RAPGEF4: variants seen among roughly 807,000 people sequenced by gnomAD.
RAPGEF4 encodes the protein Rap guanine nucleotide exchange factor 4.
A neutral mutation model predicts 147.9 loss-of-function variants in RAPGEF4; 66 were observed. That is an observed-to-expected ratio of 0.45 (90% CI 0.37 to 0.55). The LOEUF is 0.55. RAPGEF4 is among the 20% of genes least tolerant of loss of function. RAPGEF4 has a pLI of 0.00. For synonymous variants in RAPGEF4, 419 were observed against 442.7 expected, an observed-to-expected ratio of 0.95 and a Z score of 0.67; for missense variants, 1,071 against 1,257.3, an observed-to-expected ratio of 0.85 and a Z score of 2.24.
At chr2:173,000,351 G>T (rs377623019) in intron 16 of RAPGEF4, among the ~76,000 whole-genome samples, 73 of 152,272 alleles carry the variant, frequency 4.8e-4, no homozygotes, top group African/African-American at 1.8e-3. Context: ...TAAAATGTAC[G>T]TATTTCTCAC....
At chr2:172,869,774 C>T (rs1031817525) in intron 4 of RAPGEF4, among the ~76,000 whole-genome samples, 7 of 152,114 alleles carry the variant, frequency 4.6e-5, no homozygotes, top group East Asian at 1.9e-4. Flanking sequence ...GTCTCACATA[C>T]GCATTTGGAG....
intron 4 of RAPGEF4, among the ~76,000 whole-genome samples, chr2:172,861,337 T>A (rs1694024871): frequency 6.6e-6 from 1 of 152,224 alleles, no homozygotes; most frequent in Non-Finnish European, 1.5e-5. Flanking sequence ...TGAATGAAAT[T>A]AGTGACCACA....
intron 17 of RAPGEF4, among the ~76,000 whole-genome samples, chr2:173,008,414 TG>T: frequency 6.6e-6 from 1 of 152,344 alleles, no homozygotes; most frequent in Non-Finnish European, 1.5e-5. Context: ...TATATGTTGC[TG>T]TTATTATTAT....
rs79798440 is a variant in RAPGEF4 at position 172,914,922 on chromosome 2, A to T, written c.445-2880A>T. On this transcript the variant is annotated intron_variant, in intron 4 of 30. Transcript: ENST00000397081. ...TATTTTCTTTTATGAACTGCTTTTT[A>T]AATTTGTGCTTGGAAGATGAAATGC... 1.4e-3 allele frequency among the ~76,000 whole-genome samples: 220 copies of T among 152,300 alleles called. 1 individual carries two copies. Among genetic ancestry groups the T allele is most frequent in the African/African-American group, 4.6e-3 (193 of 41,572 alleles).
At chr2:172,965,437 C>A in intron 8 of RAPGEF4, 125 bp from the exon 9 acceptor site, 1 of 1,115,310 alleles carries the variant, frequency 9.0e-7, no homozygotes, top group Non-Finnish European at 1.3e-6. Context: ...GCTTTGTTTG[C>A]CATGAGACCT....
intron 1 of RAPGEF4, among the ~76,000 whole-genome samples, chr2:172,757,863 G>A (rs1695923844): frequency 1.3e-5 from 2 of 152,176 alleles, no homozygotes; most frequent in South Asian, 2.1e-4. Context: ...GAGTGCCAAA[G>A]AAACACCTTC....
intron 6 of RAPGEF4, among the ~76,000 whole-genome samples, chr2:172,949,601 A>G (rs1378307217): frequency 6.6e-6 from 1 of 152,244 alleles, no homozygotes; most frequent in Non-Finnish European, 1.5e-5. Context: ...CAGTTTCTAT[A>G]GCTTCTCAGA....
At chr2:172,799,377 G>A (rs1283926505) in intron 3 of RAPGEF4, among the ~76,000 whole-genome samples, 3 of 152,100 alleles carry the variant, frequency 2.0e-5, no homozygotes, top group Non-Finnish European at 4.4e-5. Flanking sequence ...CTGAACAGAT[G>A]CTCTTCACCA....
chr2:172,907,969 T>C (rs1162124580), intron 4 of RAPGEF4, among the ~76,000 whole-genome samples: 1 of 152,192 alleles, frequency 6.6e-6, no homozygotes, highest in Non-Finnish European at 1.5e-5. Context: ...CTGAGGTAAG[T>C]AACTGACCCA....
chr2:172,786,097 C>A (rs986952638), intron 1 of RAPGEF4, among the ~76,000 whole-genome samples: 1 of 152,202 alleles, frequency 6.6e-6, no homozygotes, highest in Non-Finnish European at 1.5e-5. Flanking sequence ...AACTCAGGAA[C>A]TGGCTAATTA....
intron 4 of RAPGEF4, among the ~76,000 whole-genome samples, chr2:172,899,481 T>G (rs888958289): frequency 2.0e-5 from 3 of 152,196 alleles, no homozygotes; most frequent in Non-Finnish European, 2.9e-5. Flanking sequence ...ACGGTGTCCT[T>G]GGGCCTCAGG....
chr2:172,887,662 T>C (rs1697397119), intron 4 of RAPGEF4, among the ~76,000 whole-genome samples: 1 of 152,238 alleles, frequency 6.6e-6, no homozygotes, highest in Admixed American at 6.5e-5. Context: ...TCACTGGTCC[T>C]TGACAGAAAA....
At chr2:173,046,939 A>T (rs1014902333) in intron 29 of RAPGEF4, among the ~76,000 whole-genome samples, 1 of 152,124 alleles carries the variant, frequency 6.6e-6, no homozygotes, top group Non-Finnish European at 1.5e-5. Context: ...TTTTTTTTAC[A>T]CTATGTAAGC....
At chr2:172,805,302 G>T (rs1047861278) in intron 3 of RAPGEF4, among the ~76,000 whole-genome samples, 1 of 152,148 alleles carries the variant, frequency 6.6e-6, no homozygotes. Context: ...CATTTCTTTT[G>T]TTACTGCCTT....
intron 5 of RAPGEF4, among the ~76,000 whole-genome samples, chr2:172,921,109 T>G (rs926165114): frequency 2.0e-5 from 3 of 152,052 alleles, no homozygotes; most frequent in African/African-American, 7.2e-5. Flanking sequence ...CTTTTTTGTT[T>G]TTGTCTTTGT....
chr2:172,785,038 T>A (rs2149520128), intron 1 of RAPGEF4, among the ~76,000 whole-genome samples: 1 of 152,352 alleles, frequency 6.6e-6, no homozygotes, highest in Non-Finnish European at 1.5e-5. Flanking sequence ...TTGGTCAGGC[T>A]GGTCTTGAAC....
chr2:172,943,769 G>A (rs546889580), intron 6 of RAPGEF4, among the ~76,000 whole-genome samples: 185 of 152,216 alleles, frequency 1.2e-3, no homozygotes, highest in African/African-American at 4.3e-3. Flanking sequence ...TTGCATATGC[G>A]TTTGCTTTCA....
chr2:172,786,894 A>T (rs1685263576), intron 1 of RAPGEF4, among the ~76,000 whole-genome samples: 1 of 152,146 alleles, frequency 6.6e-6, no homozygotes, highest in African/African-American at 2.4e-5. Flanking sequence ...TCTCTAAAAA[A>T]ATAAAATAAA....
chr2:172,942,592 T>A (rs989045097), intron 6 of RAPGEF4, among the ~76,000 whole-genome samples: 6 of 145,546 alleles, frequency 4.1e-5, no homozygotes, highest in African/African-American at 1.1e-4. Context: ...AAAAAAAAAA[T>A]TCAGTAACCA....
Sources: gnomAD v4.1 joint callset for allele counts (sites outside exome capture counted in the v4.1 genomes callset) on GRCh38, gnomAD v4.1.1 for gene constraint, MANE v1.5 for transcripts, NCBI Gene and HGNC (gene_info 2026-07-23, HGNC 2026-07-21) for gene names.